The following NTNG1 variants were observed in gnomAD, a reference collection of about 807,000 sequenced individuals.
The protein encoded by NTNG1 is netrin G1, also known as netrin-G1.
A neutral mutation model predicts 54.0 loss-of-function variants in NTNG1; 16 were observed. That is an observed-to-expected ratio of 0.30 (90% CI 0.20 to 0.45). The LOEUF (loss-of-function observed/expected upper bound fraction) is 0.45. Among genes scored for constraint, NTNG1 ranks in the 20% least tolerant of loss-of-function variants. The pLI is 1.00. For synonymous variants in NTNG1, 255 were observed against 263.1 expected (o/e 0.97, Z 0.30); for missense variants, 530 against 678.7 (o/e 0.78, Z 2.43).
chr1:107,352,033 G>C (rs1165772695), intron 3 of NTNG1, among the ~76,000 whole-genome samples: 1 of 152,240 alleles, frequency 6.6e-6, no homozygotes, highest in African/African-American at 2.4e-5. Context: ...TGGTGCAAGG[G>C]GTGGGCTCCC....
intron 3 of NTNG1, among the ~76,000 whole-genome samples, chr1:107,358,355 C>T (rs759369370): frequency 1.1e-4 from 16 of 149,092 alleles, no homozygotes; most frequent in Non-Finnish European, 1.9e-4. Flanking sequence ...GGAGATAGTA[C>T]TTAATTTTTT....
chr1:107,297,124 C>CAT (rs36147726), intron 2 of NTNG1, among the ~76,000 whole-genome samples: 3,514 of 140,676 alleles, frequency 0.025, 81 homozygotes, highest in Non-Finnish European at 0.036. Flanking sequence ...CAAACACACA[C>CAT]ATATATATAT....
chr1:107,338,483 T>G (rs1431792141), intron 3 of NTNG1, among the ~76,000 whole-genome samples: 4 of 151,954 alleles, frequency 2.6e-5, no homozygotes, highest in Non-Finnish European at 5.9e-5. Flanking sequence ...GTAGAAGCTA[T>G]GTCCTTGACC....
intron 3 of NTNG1, among the ~76,000 whole-genome samples, chr1:107,392,347 G>T (rs1445878812): frequency 6.6e-6 from 1 of 151,994 alleles, no homozygotes; most frequent in Non-Finnish European, 1.5e-5. Flanking sequence ...TGCTTTAAAA[G>T]GTTTGTAATG....
chr1:107,186,445 C>T (rs992469830), intron 2 of NTNG1, among the ~76,000 whole-genome samples: 1 of 152,126 alleles, frequency 6.6e-6, no homozygotes, highest in East Asian at 1.9e-4. Context: ...TTACACTTAG[C>T]GTAAAATCCA....
chr1:107,354,891 A>G (rs1053660353), intron 3 of NTNG1, among the ~76,000 whole-genome samples: 1 of 152,106 alleles, frequency 6.6e-6, no homozygotes, highest in African/African-American at 2.4e-5. Flanking sequence ...TATGATAGCA[A>G]ACTTTAGTGT....
chr1:107,328,675 T>C (rs959611454), intron 3 of NTNG1, among the ~76,000 whole-genome samples: 1 of 152,144 alleles, frequency 6.6e-6, no homozygotes, highest in Non-Finnish European at 1.5e-5. Flanking sequence ...CTTTCCACAA[T>C]TAAAATAATT....
intron 2 of NTNG1, among the ~76,000 whole-genome samples, chr1:107,199,277 TC>T (rs1318734210): frequency 2.2e-4 from 1 of 4,456 alleles, no homozygotes; most frequent in Non-Finnish European, 7.0e-4. Flanking sequence ...TTTTATTACT[TC>T]TTTTTTTTTT....
At chr1:107,189,599 A>G (rs1204712750) in intron 2 of NTNG1, among the ~76,000 whole-genome samples, 2 of 152,108 alleles carry the variant, frequency 1.3e-5, no homozygotes, top group African/African-American at 4.8e-5. Flanking sequence ...CACTAGGTTC[A>G]TATAGGTAGG....
intron 2 of NTNG1, among the ~76,000 whole-genome samples, chr1:107,246,146 G>T (rs901075987): frequency 3.3e-5 from 5 of 152,076 alleles, no homozygotes; most frequent in African/African-American, 1.2e-4. Context: ...CCGCCTCCTG[G>T]GTTCATGCCA....
intron 2 of NTNG1, among the ~76,000 whole-genome samples, chr1:107,206,943 T>C (rs563578929): frequency 6.6e-6 from 1 of 152,278 alleles, no homozygotes; most frequent in South Asian, 2.1e-4. Context: ...AGCTGATGTA[T>C]AGTACTTTAA....
chr1:107,158,224 A>G (rs551955948), intron 2 of NTNG1, among the ~76,000 whole-genome samples: 1 of 152,248 alleles, frequency 6.6e-6, no homozygotes, highest in South Asian at 2.1e-4. Flanking sequence ...TTTGTGTGCC[A>G]TTTAAAAATT....
chr1:107,376,321 T>C (rs763301768), intron 3 of NTNG1, among the ~76,000 whole-genome samples: 7 of 150,812 alleles, frequency 4.6e-5, no homozygotes, highest in South Asian at 2.1e-4. Flanking sequence ...GGCATGGGAA[T>C]GGCGTGAACC....
At position 107,482,055 on chromosome 1, in the gene NTNG1, C is replaced by CAAAAAAAAAAAAAAAAAAAAA. The variant is rs71098633; in HGVS notation, c.*1222_*1242dup. On this transcript the variant is annotated 3_prime_UTR_variant, in exon 8 of 8. Coordinates refer to ENST00000370068, the MANE Select transcript of NTNG1 (RefSeq NM_001113226.3). ...TTCCACTTGGGAAAAATTACAACAG[C>CAAAAAAAAAAAAAAAAAAAAA]AAAAAAAAAAAAAAAAAAAAAAAAA... 3 of 114,468 alleles carry CAAAAAAAAAAAAAAAAAAAAA rather than the reference C, an allele frequency of 2.6e-5. No homozygotes were observed. Among genetic ancestry groups the CAAAAAAAAAAAAAAAAAAAAA allele is most frequent in the Admixed American group, 8.3e-5 (1 of 12,116 alleles). 7.1% of individuals were successfully genotyped at this position (114,468 alleles called of 1,614,324 possible).
At chr1:107,318,713 T>G (rs1667476219) in intron 2 of NTNG1, among the ~76,000 whole-genome samples, 1 of 152,126 alleles carries the variant, frequency 6.6e-6, no homozygotes, top group Non-Finnish European at 1.5e-5. Context: ...TATCCTCACT[T>G]TCATGCATCC....
chr1:107,424,751 A>G (rs1273417319), intron 5 of NTNG1, among the ~76,000 whole-genome samples: 1 of 152,130 alleles, frequency 6.6e-6, no homozygotes, highest in Non-Finnish European at 1.5e-5. Flanking sequence ...TAAAACGTCC[A>G]AGTGGAAATT....
rs112856011 is a variant in NTNG1 at position 107,228,057 on chromosome 1, A to G, written c.246+79218A>G. Among the ~76,000 whole-genome samples the G allele has an allele frequency of 9.7e-3, 1,480 of 152,294 alleles. 19 individuals are homozygous for G. Among genetic ancestry groups the G allele is most frequent in the African/African-American group, 0.033 (1,376 of 41,562 alleles). On this transcript the variant is annotated intron_variant, in intron 2 of 7. Transcript: ENST00000370068. Reference sequence around the variant, plus strand: ...TCTATTCTTCTTTTGTTCTTATTCAAGTACTATGTAAGTATCAGGTAATCC... The same window carrying G: ...TCTATTCTTCTTTTGTTCTTATTCAGGTACTATGTAAGTATCAGGTAATCC...
chr1:107,348,563 A>C (rs536431412), intron 3 of NTNG1, among the ~76,000 whole-genome samples: 3 of 152,158 alleles, frequency 2.0e-5, no homozygotes, highest in African/African-American at 4.8e-5. Context: ...CACCAGCCTC[A>C]GCTCTCAGAC....
chr1:107,273,982 T>C (rs3125676), intron 2 of NTNG1, among the ~76,000 whole-genome samples: 149,065 of 152,350 alleles, frequency 0.98, 72,976 homozygotes, highest in South Asian at 1. Flanking sequence ...TAAAGCAAAG[T>C]TCTGTGTCTT....
Sources: allele counts gnomAD v4.1 joint callset (sites outside exome capture counted in the v4.1 genomes callset), GRCh38; gene constraint gnomAD v4.1.1; transcripts MANE v1.5; gene names NCBI Gene and HGNC (gene_info 2026-07-23, HGNC 2026-07-21).